The following SRGAP2 variants were observed in gnomAD, a reference collection of about 807,000 sequenced individuals.
SRGAP2 encodes the protein SLIT-ROBO Rho GTPase activating protein 2.
Under a neutral mutation model 57.2 loss-of-function variants are expected in SRGAP2, and 15 were observed. That is an observed-to-expected ratio of 0.26 (90% confidence interval 0.18 to 0.40). SRGAP2 has a LOEUF of 0.40. Ranked by LOEUF, SRGAP2 falls within the 10% of genes least tolerant of loss-of-function variation. The pLI, the probability that SRGAP2 is intolerant of heterozygous loss-of-function variation, is 1.00. For synonymous variants in SRGAP2, 249 were observed against 248.0 expected, an observed-to-expected ratio of 1.00 and a Z score of -0.04; for missense variants, 520 against 669.6, an observed-to-expected ratio of 0.78 and a Z score of 2.47.
chr1:206,268,694 G>GGCTATAGGCCGGGCGCGGTGGCTA (rs1670026624), intron 2 of SRGAP2, among the ~76,000 whole-genome samples: 2 of 135,294 alleles, frequency 1.5e-5, no homozygotes, highest in Admixed American at 7.6e-5. Flanking sequence ...AACAAAAGGG[G>GGCTATAGGCCGGGCGCGGTGGCTA]GCTAAGGACA....
intron 2 of SRGAP2, among the ~76,000 whole-genome samples, chr1:206,276,866 A>G (rs1355313873): frequency 6.6e-6 from 1 of 152,196 alleles, no homozygotes; most frequent in Non-Finnish European, 1.5e-5. Context: ...TCAATTGCAC[A>G]GCAGCTGAGT....
At chr1:206,387,543 T>TAAA in intron 5 of SRGAP2, among the ~76,000 whole-genome samples, 1 of 81,752 alleles carries the variant, frequency 1.2e-5, no homozygotes, top group Admixed American at 1.3e-4. Flanking sequence ...AGAAGTTATT[T>TAAA]GGGGTCACTG....
In SRGAP2 at chr1:206,421,288, C is replaced by G. The variant is rs541597858; in HGVS notation, c.1494+14C>G. 1.3e-6 allele frequency: 1 copy of G among 777,132 alleles called. No individual in the cohort carries two copies. Among genetic ancestry groups the G allele is most frequent in the Non-Finnish European group, 2.4e-6 (1 of 416,430 alleles). 48.1% of individuals were successfully genotyped at this position (777,132 alleles called of 1,614,324 possible). ...GTGAGGAAACAGGTAAGGGCCCAAG[C>G]GGGGCCAGGCTGGTCTGGCCTGAAA... On this transcript the variant is annotated intron_variant, in intron 13 of 22. Transcript: ENST00000573034.
intron 3 of SRGAP2, among the ~76,000 whole-genome samples, chr1:206,308,832 G>A (rs1240339276): frequency 6.8e-6 from 1 of 148,082 alleles, no homozygotes; most frequent in Non-Finnish European, 1.5e-5. Context: ...TACCTACTGA[G>A]TACTGTGCTC....
At chr1:206,302,371 G>T (rs1671921279) in intron 2 of SRGAP2, among the ~76,000 whole-genome samples, 2 of 152,116 alleles carry the variant, frequency 1.3e-5, no homozygotes, top group Admixed American at 6.6e-5. Context: ...CGCATCTATA[G>T]CTGCCTTTGC....
intron 4 of SRGAP2, among the ~76,000 whole-genome samples, chr1:206,362,891 G>A (rs1291565039): frequency 2.0e-5 from 3 of 152,178 alleles, no homozygotes; most frequent in Admixed American, 6.5e-5. Context: ...AGAATATGAA[G>A]ATGGCTGATG....
At chr1:206,443,676 G>A (rs969424405) in intron 17 of SRGAP2, among the ~76,000 whole-genome samples, 5 of 152,020 alleles carry the variant, frequency 3.3e-5, no homozygotes, top group South Asian at 2.1e-4. Flanking sequence ...TAATTACACC[G>A]CGCCTGGCCT....
rs201642341 is a variant in SRGAP2, at chr1:206,458,810, G to T, written c.2695G>T (p.Gly899Trp). The T allele has an allele frequency of 2.6e-6, 2 of 780,722 alleles. No individual in the cohort carries two copies. The highest frequency in any genetic ancestry group is 1.7e-5 in the Admixed American group (1 of 59,024). 48.4% of individuals were successfully genotyped at this position (780,722 alleles called of 1,614,324 possible). Residue 899 changes from glycine (G) to tryptophan (W), a missense_variant, in exon 22 of 23, where the codon GGG (glycine) becomes TGG (tryptophan). Physicochemically the swap from Gly to Trp is radical, Grantham distance 184. Around this residue, in one of 5 missense-constraint regions of SRGAP2, gnomAD observed 478 missense variants for 373.6 expected, o/e 1.28. Coordinates refer to ENST00000573034, the MANE Select transcript of SRGAP2 (RefSeq NM_015326.5). Reference protein sequence around the residue: ...GPDKCSISGHGSLNSISRHSS... With the variant: ...GPDKCSISGHWSLNSISRHSS... ...AGATAAGTGTTCCATCAGTGGGCACGGGAGCCTCAACTCCATCAGCCGCCA... is the reference window on the plus strand; with the variant it reads ...AGATAAGTGTTCCATCAGTGGGCACTGGAGCCTCAACTCCATCAGCCGCCA...
At chr1:206,363,771 G>C (rs1378377729) in intron 4 of SRGAP2, among the ~76,000 whole-genome samples, 1 of 152,172 alleles carries the variant, frequency 6.6e-6, no homozygotes, top group African/African-American at 2.4e-5. Context: ...CCGTAGAAGC[G>C]ATGTCATATT....
chr1:206,448,534 C>T (rs1662964282), intron 18 of SRGAP2, among the ~76,000 whole-genome samples: 1 of 152,174 alleles, frequency 6.6e-6, no homozygotes, highest in Non-Finnish European at 1.5e-5. Flanking sequence ...AAAGTGAGGT[C>T]CCTGGACCAA....
chr1:206,240,003 C>G (rs1454407979), intron 2 of SRGAP2, among the ~76,000 whole-genome samples: 1 of 151,662 alleles, frequency 6.6e-6, no homozygotes, highest in Non-Finnish European at 1.5e-5. Context: ...CGGTGGCTCA[C>G]GCCTGTAATC....
At chr1:206,359,798 CTTTTTTTTT>C (rs1166916482) in intron 4 of SRGAP2, among the ~76,000 whole-genome samples, 3 of 70,228 alleles carry the variant, frequency 4.3e-5, no homozygotes, top group African/African-American at 1.2e-4. Flanking sequence ...GGATATTGCT[CTTTTTTTTT>C]TTTTTTTTTT....
At chr1:206,361,279 C>T (rs1352409545) in intron 4 of SRGAP2, among the ~76,000 whole-genome samples, 1 of 143,502 alleles carries the variant, frequency 7.0e-6, no homozygotes, top group Non-Finnish European at 1.5e-5. Context: ...CTTTTCTTGC[C>T]GTTTCAGCTA....
At chr1:206,244,755 C>T (rs1486237943) in intron 2 of SRGAP2, among the ~76,000 whole-genome samples, 1 of 152,092 alleles carries the variant, frequency 6.6e-6, no homozygotes, top group African/African-American at 2.4e-5. Context: ...ACACCAAGCC[C>T]CTTCAGCCAC....
At chr1:206,276,965 CTTT>C (rs1297790363) in intron 2 of SRGAP2, among the ~76,000 whole-genome samples, 3 of 140,430 alleles carry the variant, frequency 2.1e-5, no homozygotes, top group Admixed American at 7.1e-5. Flanking sequence ...ATCTATCACT[CTTT>C]TTTTTTTTTT....
intron 2 of SRGAP2, among the ~76,000 whole-genome samples, chr1:206,292,661 C>T (rs1239333984): frequency 6.8e-6 from 1 of 147,862 alleles, no homozygotes; most frequent in Non-Finnish European, 1.5e-5. Flanking sequence ...CCTATCTCTC[C>T]TTGCTTTGCT....
At chr1:206,377,199 T>C (rs1343460597) in intron 4 of SRGAP2, among the ~76,000 whole-genome samples, 2 of 152,076 alleles carry the variant, frequency 1.3e-5, no homozygotes, top group Non-Finnish European at 2.9e-5. Flanking sequence ...AAACAAGTAT[T>C]GGGCCTTAGA....
intron 3 of SRGAP2, among the ~76,000 whole-genome samples, chr1:206,312,743 A>C (rs1553324620): frequency 6.6e-6 from 1 of 152,104 alleles, no homozygotes; most frequent in Non-Finnish European, 1.5e-5. Context: ...TAATGTCTGA[A>C]ATTCTGTCAG....
rs1302044670 is a variant in SRGAP2 at position 206,462,717 on chromosome 1, C to G, written c.*1297C>G. The G allele has an allele frequency of 1.3e-5, 2 of 152,178 alleles. No individual in the cohort carries two copies. Among genetic ancestry groups the G allele is most frequent in the Non-Finnish European group, 2.9e-5 (2 of 68,032 alleles). 9.4% of individuals were successfully genotyped at this position (152,178 alleles called of 1,614,324 possible). A position where few individuals can be genotyped will look rare whatever the true frequency, so the allele number is the denominator to read the frequency against. On this transcript the variant is annotated 3_prime_UTR_variant, in exon 23 of 23. Transcript: ENST00000573034. ...ACAGGCTCTCAAGTCTTCCCAAGGC[C>G]AGAATCGAAAGAAAATTAAAATTTG... is the stretch of plus-strand genomic sequence containing the variant.
Sources: gnomAD v4.1 joint callset for allele counts (sites outside exome capture counted in the v4.1 genomes callset) on GRCh38, gnomAD v4.1.1 for gene constraint, gnomAD v4.1.1 regional missense constraint, MANE v1.5 for transcripts, NCBI Gene and HGNC (gene_info 2026-07-23, HGNC 2026-07-21) for gene names.